NAALADL2: variants seen among roughly 807,000 people sequenced by gnomAD.
NAALADL2 encodes inactive N-acetylated-alpha-linked acidic dipeptidase-like protein 2.
Under a neutral mutation model 87.2 loss-of-function variants are expected in NAALADL2, and 76 were observed. The observed-to-expected ratio is 0.87, with a 90% CI of 0.72 to 1.05. NAALADL2 has a LOEUF of 1.05. NAALADL2 is among the 50% of genes least tolerant of loss of function. NAALADL2 has a pLI of 0.00. For synonymous variants in NAALADL2, 354 were observed against 331.0 expected (o/e 1.07, Z -0.75); for missense variants, 1,089 against 945.8 (o/e 1.15, Z -1.99).
chr3:175,695,895 G>A (rs1737736049), intron 11 of NAALADL2, among the ~76,000 whole-genome samples: 1 of 152,046 alleles, frequency 6.6e-6, no homozygotes, highest in Non-Finnish European at 1.5e-5. Context: ...GATTAAAATG[G>A]CAATACAATG....
intron 3 of NAALADL2, among the ~76,000 whole-genome samples, chr3:174,820,028 G>A (rs995748698): frequency 6.6e-6 from 1 of 152,052 alleles, no homozygotes; most frequent in Admixed American, 6.6e-5. Flanking sequence ...CTTCAGTTTG[G>A]AATGCACTTA....
intron 12 of NAALADL2, among the ~76,000 whole-genome samples, chr3:175,739,227 A>T (rs201055597): frequency 0.23 from 35,551 of 151,924 alleles, 4,350 homozygotes; most frequent in African/African-American, 0.3. Context: ...GCTAAAATCA[A>T]TTTTTTAAAC....
intron 1 of NAALADL2, among the ~76,000 whole-genome samples, chr3:174,953,297 T>TCCTCTCCC (rs1740651836): frequency 1.9e-4 from 11 of 59,316 alleles, no homozygotes; most frequent in African/African-American, 2.9e-4. Context: ...CTTTCTTGCC[T>TCCTCTCCC]CCCCTCCCCT....
chr3:174,695,842 A>G (rs938638574), intron 2 of NAALADL2, among the ~76,000 whole-genome samples: 32 of 152,064 alleles, frequency 2.1e-4, no homozygotes, highest in African/African-American at 7.7e-4. Context: ...ATATCATCCA[A>G]TAAATCATAG....
At chr3:174,894,551 G>A (rs1423248991) in intron 1 of NAALADL2, among the ~76,000 whole-genome samples, 49 of 129,700 alleles carry the variant, frequency 3.8e-4, no homozygotes, top group African/African-American at 1.4e-3. Context: ...CCGAGATCAT[G>A]CCACTGCACT....
chr3:175,021,541 C>T (rs1368214931), intron 1 of NAALADL2, among the ~76,000 whole-genome samples: 18 of 151,920 alleles, frequency 1.2e-4, no homozygotes, highest in Admixed American at 1.2e-3. Flanking sequence ...GTACAAAATG[C>T]AGTGGTCTCA....
intron 2 of NAALADL2, among the ~76,000 whole-genome samples, chr3:174,702,969 C>T (rs1729697169): frequency 1.3e-5 from 2 of 152,164 alleles, no homozygotes; most frequent in Admixed American, 6.5e-5. Flanking sequence ...TCACACTGCT[C>T]TTGGGAAAGA....
intron 1 of NAALADL2, among the ~76,000 whole-genome samples, chr3:174,897,836 G>A (rs1223938558): frequency 2.9e-5 from 4 of 138,154 alleles, no homozygotes; most frequent in Admixed American, 6.8e-5. Context: ...GAGATCGGCC[G>A]GGCGCGGTGG....
chr3:175,549,186 A>G (rs866993712), intron 9 of NAALADL2, among the ~76,000 whole-genome samples: 4 of 151,834 alleles, frequency 2.6e-5, no homozygotes, highest in Non-Finnish European at 5.9e-5. Flanking sequence ...GTGTAGTTCT[A>G]TGATATGATT....
chr3:174,964,408 A>T (rs964821774), intron 1 of NAALADL2, among the ~76,000 whole-genome samples: 1 of 152,106 alleles, frequency 6.6e-6, no homozygotes, highest in African/African-American at 2.4e-5. Flanking sequence ...AGGACAGAAG[A>T]TAAAGATTTA....
chr3:175,160,360 C>CTTTTTTTTTTTTTTTTTTTTTTTTT (rs71164618), intron 2 of NAALADL2, among the ~76,000 whole-genome samples: 6 of 57,036 alleles, frequency 1.1e-4, no homozygotes, highest in Non-Finnish European at 1.5e-4. Context: ...TCTTTTCTTT[C>CTTTTTTTTTTTTTTTTTTTTTTTTT]TTTTTTTTTT....
At chr3:175,228,347 C>G (rs1260842069) in intron 2 of NAALADL2, among the ~76,000 whole-genome samples, 1 of 151,866 alleles carries the variant, frequency 6.6e-6, no homozygotes, top group Non-Finnish European at 1.5e-5. Context: ...GAGTAGCAAT[C>G]AATATCTACA....
At chr3:174,499,157 CA>C (rs1718730205) in intron 1 of NAALADL2, among the ~76,000 whole-genome samples, 1 of 151,986 alleles carries the variant, frequency 6.6e-6, no homozygotes, top group Non-Finnish European at 1.5e-5. Flanking sequence ...TTTAGGCATT[CA>C]CTGAGGATCT....
intron 2 of NAALADL2, among the ~76,000 whole-genome samples, chr3:174,698,149 A>G (rs1729205794): frequency 6.6e-6 from 1 of 152,208 alleles, no homozygotes; most frequent in East Asian, 1.9e-4. Flanking sequence ...GTATTGTGTA[A>G]TATATAATGT....
intron 2 of NAALADL2, among the ~76,000 whole-genome samples, chr3:174,726,894 C>T (rs988568426): frequency 1.3e-5 from 2 of 152,004 alleles, no homozygotes; most frequent in East Asian, 1.9e-4. Flanking sequence ...CTAATAAGTC[C>T]GTTTTATCTC....
intron 2 of NAALADL2, among the ~76,000 whole-genome samples, chr3:175,102,040 C>T (rs1722301039): frequency 6.6e-6 from 1 of 152,144 alleles, no homozygotes; most frequent in Non-Finnish European, 1.5e-5. Flanking sequence ...TTCTTTAACA[C>T]CTGCTTTAGA....
At chr3:174,987,406 A>T (rs562204973) in intron 1 of NAALADL2, among the ~76,000 whole-genome samples, 14 of 149,338 alleles carry the variant, frequency 9.4e-5, no homozygotes, top group South Asian at 6.5e-4. Context: ...CGTCTCTACT[A>T]AAAATACAAA....
At chr3:175,357,076 T>C (rs1289778658) in intron 5 of NAALADL2, among the ~76,000 whole-genome samples, 4 of 152,166 alleles carry the variant, frequency 2.6e-5, no homozygotes, top group African/African-American at 9.7e-5. Context: ...TCATGGAACC[T>C]TTTCTTTTTA....
intron 1 of NAALADL2, among the ~76,000 whole-genome samples, chr3:174,532,235 A>T (rs1721314402): frequency 6.6e-6 from 1 of 152,182 alleles, no homozygotes; most frequent in South Asian, 2.1e-4. Context: ...TTGGGTGAGG[A>T]GGACTGAGAC....
Sources: gnomAD v4.1 joint callset for allele counts (sites outside exome capture counted in the v4.1 genomes callset) on GRCh38, gnomAD v4.1.1 for gene constraint, MANE v1.5 for transcripts, NCBI Gene and HGNC (gene_info 2026-07-23, HGNC 2026-07-21) for gene names.